LIN52: variants seen among roughly 807,000 people sequenced by gnomAD.
LIN52 encodes the protein protein lin-52 homolog.
A neutral mutation model predicts 18.5 loss-of-function variants in LIN52; 4 were observed. The ratio of observed to expected loss-of-function variants is 0.22; its 90% CI spans 0.11 to 0.49. LIN52 has a LOEUF of 0.49. Ranked by LOEUF, LIN52 falls within the 20% of genes least tolerant of loss-of-function variation. LIN52 has a pLI of 0.97. For missense variants in LIN52, 102 were observed against 139.5 expected (o/e 0.73, Z 1.35); for synonymous variants, 34 against 45.5 (o/e 0.75, Z 1.02).
At chr14:74,085,250 CAG>C in intron 1 of LIN52, 2 of 372,932 alleles carry the variant, frequency 5.4e-6, no homozygotes, top group Non-Finnish European at 9.5e-6. Context: ...GGTAAAAGGA[CAG>C]GGGGGTCGCC....
chr14:74,158,175 C>T (rs894627648), intron 5 of LIN52, among the ~76,000 whole-genome samples: 5 of 149,898 alleles, frequency 3.3e-5, no homozygotes, highest in Non-Finnish European at 5.9e-5. Context: ...AGCACAGTAG[C>T]GTGATCTCGG....
At chr14:74,136,002 A>C (rs898253266) in intron 5 of LIN52, among the ~76,000 whole-genome samples, 2 of 152,160 alleles carry the variant, frequency 1.3e-5, no homozygotes, top group Admixed American at 6.5e-5. Flanking sequence ...TTTTCAGTCC[A>C]TGCTAATGGT....
At chr14:74,101,465 T>C (rs1449044262) in intron 5 of LIN52, among the ~76,000 whole-genome samples, 2 of 151,248 alleles carry the variant, frequency 1.3e-5, no homozygotes, top group African/African-American at 4.9e-5. Flanking sequence ...TTTTTCTTTT[T>C]TTTTTTTTTT....
Position 74,085,004 on chromosome 14 carries a change from G to A in LIN52, c.19+11G>A, listed in dbSNP as rs763643126. ...CGTCTCCCACAGACGGTAAGAGCCG[G>A]CTTAGAGATCTTTGCCTGCAGCCTC... is the stretch of plus-strand genomic sequence containing the variant. On this transcript the variant is annotated intron_variant, in intron 1 of 5. Transcript: ENST00000555028. 1.4e-6 allele frequency: 2 copies of A among 1,392,990 alleles called. No homozygotes were observed. Among genetic ancestry groups the A allele is most frequent in the Non-Finnish European group, 9.4e-7 (1 of 1,065,744 alleles). The allele number at this position is 1,392,990 out of a possible 1,614,324, so 86.3% of individuals were successfully genotyped here.
chr14:74,187,199 G>A (rs940413773), intron 5 of LIN52, among the ~76,000 whole-genome samples: 1 of 152,154 alleles, frequency 6.6e-6, no homozygotes, highest in Non-Finnish European at 1.5e-5. Flanking sequence ...GTTCAGAAAA[G>A]TAAATTACTT....
intron 3 of LIN52, among the ~76,000 whole-genome samples, chr14:74,097,589 C>G (rs1366631260): frequency 6.6e-6 from 1 of 151,956 alleles, no homozygotes; most frequent in Non-Finnish European, 1.5e-5. Flanking sequence ...TGTGCCATCA[C>G]GCCTGGCTAA....
At chr14:74,092,742 C>T (rs2060781382) in intron 2 of LIN52, among the ~76,000 whole-genome samples, 1 of 151,596 alleles carries the variant, frequency 6.6e-6, no homozygotes, top group Non-Finnish European at 1.5e-5. Context: ...CATGGCGAAA[C>T]CCTGTCTCTA....
intron 5 of LIN52, among the ~76,000 whole-genome samples, chr14:74,165,508 C>CTTTTATTTTTTTT (rs1363878035): frequency 1.3e-5 from 1 of 76,444 alleles, no homozygotes; most frequent in African/African-American, 6.5e-5. Context: ...TACAGGTTTT[C>CTTTTATTTTTTTT]TTTTCTTTTT....
chr14:74,193,916 A>G (rs770337852), intron 5 of LIN52, among the ~76,000 whole-genome samples: 1 of 152,234 alleles, frequency 6.6e-6, no homozygotes, highest in Non-Finnish European at 1.5e-5. Flanking sequence ...CCGCTTCACA[A>G]ACATTTTTAA....
At chr14:74,180,262 ATTTTTTTTTTTT>A (rs5809652) in intron 5 of LIN52, among the ~76,000 whole-genome samples, 1 of 119,770 alleles carries the variant, frequency 8.3e-6, no homozygotes, top group Non-Finnish European at 1.6e-5. Flanking sequence ...GGGAGGAGGA[ATTTTTTTTTTTT>A]TTTTTTTTTG....
At chr14:74,090,405 G>A (rs949799587) in intron 1 of LIN52, among the ~76,000 whole-genome samples, 1 of 151,878 alleles carries the variant, frequency 6.6e-6, no homozygotes, top group Non-Finnish European at 1.5e-5. Context: ...GTGCAATCTT[G>A]GCTCACTGTA....
At chr14:74,163,490 G>A (rs1296715548) in intron 5 of LIN52, among the ~76,000 whole-genome samples, 2 of 152,106 alleles carry the variant, frequency 1.3e-5, no homozygotes, top group African/African-American at 2.4e-5. Flanking sequence ...AGGTAGGAGT[G>A]GGGGGGATGA....
intron 5 of LIN52, among the ~76,000 whole-genome samples, chr14:74,124,294 A>G (rs892200530): frequency 1.3e-5 from 2 of 152,202 alleles, no homozygotes; most frequent in African/African-American, 2.4e-5. Context: ...TAAGATCTCT[A>G]TAGTTATACA....
chr14:74,124,292 C>G (rs192134695), intron 5 of LIN52, among the ~76,000 whole-genome samples: 132 of 152,214 alleles, frequency 8.7e-4, no homozygotes, highest in Non-Finnish European at 1.5e-3. Flanking sequence ...TGTAAGATCT[C>G]TATAGTTATA....
chr14:74,171,635 G>A (rs573166303), intron 5 of LIN52, among the ~76,000 whole-genome samples: 1 of 151,802 alleles, frequency 6.6e-6, no homozygotes, highest in Non-Finnish European at 1.5e-5. Context: ...AGTAATGAAC[G>A]GTTATATAAG....
At chr14:74,185,024 G>A (rs931454595) in intron 5 of LIN52, among the ~76,000 whole-genome samples, 1 of 151,588 alleles carries the variant, frequency 6.6e-6, no homozygotes, top group Non-Finnish European at 1.5e-5. Context: ...CTTGCTTTCA[G>A]GCATGTCAGG....
chr14:74,108,778 G>C (rs1488857421), intron 5 of LIN52, among the ~76,000 whole-genome samples: 1 of 151,990 alleles, frequency 6.6e-6, no homozygotes, highest in Admixed American at 6.6e-5. Flanking sequence ...ATATATTCTA[G>C]AAACATATAT....
At chr14:74,121,737 T>C (rs1209862526) in intron 5 of LIN52, among the ~76,000 whole-genome samples, 1 of 151,954 alleles carries the variant, frequency 6.6e-6, no homozygotes, top group Non-Finnish European at 1.5e-5. Context: ...TTTTTTTTTT[T>C]TTTTAAGACG....
At chr14:74,148,945 G>C (rs2061164804) in intron 5 of LIN52, among the ~76,000 whole-genome samples, 1 of 152,176 alleles carries the variant, frequency 6.6e-6, no homozygotes, top group South Asian at 2.1e-4. Context: ...CCTGCACCTT[G>C]ACAATGATTT....
Sources: allele counts gnomAD v4.1 joint callset (sites outside exome capture counted in the v4.1 genomes callset), GRCh38; gene constraint gnomAD v4.1.1; transcripts MANE v1.5; gene names NCBI Gene and HGNC (gene_info 2026-07-23, HGNC 2026-07-21).